The following EPHA2 variants were observed in gnomAD, a reference collection of about 807,000 sequenced individuals.
EPHA2 encodes the protein ephrin type-A receptor 2.
EPHA2 carries 54 observed loss-of-function variants against 104.9 expected under a neutral mutation model. That is an observed-to-expected ratio of 0.51 (90% CI 0.41 to 0.65). The LOEUF is 0.65. EPHA2 is among the 30% of genes least tolerant of loss of function. The probability of loss-of-function intolerance (pLI) is 0.00; values close to 1 mark genes in which losing one functional copy is unlikely to be tolerated. For missense variants in EPHA2, 1,117 were observed against 1,369.5 expected (o/e 0.82, Z 2.91); for synonymous variants, 560 against 559.1 (o/e 1.00, Z -0.02).
chr1:16,136,332 A>ATAG (rs2024683410), intron 5 of EPHA2, among the ~76,000 whole-genome samples: 3 of 148,496 alleles, frequency 2.0e-5, no homozygotes, highest in Admixed American at 1.3e-4. Flanking sequence ...AATAATAATA[A>ATAG]TAAAAGGCCA....
At chr1:16,149,307 T>A (rs1295503865) in intron 2 of EPHA2, among the ~76,000 whole-genome samples, 1 of 152,224 alleles carries the variant, frequency 6.6e-6, no homozygotes. Context: ...CGGGACTCCA[T>A]GTGACCTCAG....
In EPHA2 at chr1:16,148,241, G is replaced by A. The variant is rs774285601; in HGVS notation, c.823+137C>T. On this transcript the variant is annotated intron_variant, in intron 3 of 16. Coordinates refer to ENST00000358432, the MANE Select transcript of EPHA2 (RefSeq NM_004431.5). This position sits in a 1 kb window ranked among gnomAD's most constrained non-coding sequence, Gnocchi z 4.9. ...AATAAGGAAACTGATGTCTGGGAAG[G>A]ATCTATAATTTCCACTAACAGAACT... is the stretch of plus-strand genomic sequence containing the variant. The A allele has an allele frequency of 2.0e-5, 22 of 1,093,602 alleles. No homozygotes were observed. The highest frequency in any genetic ancestry group is 1.8e-4 in the South Asian group (14 of 77,278). The allele number at this position is 1,093,602 out of a possible 1,614,324, so 67.7% of individuals were successfully genotyped here.
In EPHA2 at chr1:16,125,986, CG is replaced by C. The variant is rs1278070506; in HGVS notation, c.2826-667del. 6.6e-6 allele frequency among the ~76,000 whole-genome samples: 1 copy of C among 152,174 alleles called. No individual in the cohort carries two copies. The highest frequency in any genetic ancestry group is 2.4e-5 in the African/African-American group (1 of 41,426). The stretch of plus-strand genomic sequence containing the variant: ...TGCGAGTCTTCATGGGTGAGGCTTG[CG>C]GGTCACCAGATCCAGTGACTAGGAA... On this transcript the variant is annotated intron_variant, in intron 16 of 16. Coordinates refer to ENST00000358432, the MANE Select transcript of EPHA2 (RefSeq NM_004431.5). The surrounding 1 kb of genome is among the most constrained non-coding windows in gnomAD (Gnocchi z 4.9).
rs1374517774 is a variant in EPHA2, at chr1:16,131,488, G to A, written c.2475+233C>T. On this transcript the variant is annotated intron_variant, in intron 14 of 16. Coordinates refer to ENST00000358432, the MANE Select transcript of EPHA2 (RefSeq NM_004431.5). The surrounding 1 kb of genome is among the most constrained non-coding windows in gnomAD (Gnocchi z 5.2). ...CCAGCTACTCGGGAGGCTGAGGCAG[G>A]AGAATTGCTTGAACCTGGGAGGTGG... 6.6e-6 allele frequency among the ~76,000 whole-genome samples: 1 copy of A among 152,200 alleles called. No homozygotes were observed. The highest frequency in any genetic ancestry group is 6.5e-5 in the Admixed American group (1 of 15,294).
At chr1:16,132,349 T>C (rs377555887) in intron 12 of EPHA2, 29 bp downstream of exon 12, 2 of 1,614,050 alleles carry the variant, frequency 1.2e-6, no homozygotes, top group Non-Finnish European at 1.7e-6. Context: ...TGGCCAGGCA[T>C]CCCCGCCCCC....
rs139909813 is a variant in EPHA2, at chr1:16,137,983, G to A, written c.1182C>T (p.Arg394=). 3.1e-6 allele frequency: 5 copies of A among 1,614,150 alleles called. No individual in the cohort carries two copies. Among genetic ancestry groups the A allele is most frequent in the Middle Eastern group, 1.7e-4 (1 of 6,060 alleles). The change falls in exon 5 of 17, where the codon CGC becomes CGT. Residue 394 remains arginine, a synonymous_variant. Coordinates refer to ENST00000358432, the MANE Select transcript of EPHA2 (RefSeq NM_004431.5). The stretch of plus-strand genomic sequence containing the variant: ...CCAGGTCGCTCACTGTCACACTGGT[G>A]CGGGTCAGTCCGTGAGGAGGCTCCG... ...RYSEPPHGLT[R]TSVTVSDLEP...
intron 3 of EPHA2, among the ~76,000 whole-genome samples, chr1:16,140,484 C>T (rs1281765123): frequency 6.6e-6 from 1 of 152,186 alleles, no homozygotes; most frequent in African/African-American, 2.4e-5. Context: ...GCACTATTAG[C>T]GCTGGTTCCA....
intron 5 of EPHA2, among the ~76,000 whole-genome samples, chr1:16,137,409 C>T (rs1262580537): frequency 6.6e-6 from 1 of 151,804 alleles, no homozygotes; most frequent in Middle Eastern, 3.2e-3. Context: ...CCAGCCTGGC[C>T]GACATAGTGA....
Position 16,138,102 on chromosome 1 carries a change from C to T in EPHA2, c.1063G>A (p.Gly355Arg), listed in dbSNP as rs370923409. 97 of 1,610,120 alleles carry T rather than the reference C, an allele frequency of 6.0e-5. No individual in the cohort carries two copies. The East Asian group carries it at 1.5e-3, about 25-fold the overall frequency. Reference protein sequence around the residue: ...ELRWTPPQDSGGREDIVYSVT... With the variant: ...ELRWTPPQDSRGREDIVYSVT... ...CTGTAGACAATGTCCTCGCGGCCCC[C>T]GCTGTCCTGAGGGGGCGTCCAGCGC... The change falls in exon 5 of 17, where the codon GGG becomes AGG. Residue 355 changes from glycine (G) to arginine (R), a missense_variant. Around this residue, in one of 3 missense-constraint regions of EPHA2, gnomAD observed 664 missense variants for 784.8 expected, o/e 0.85. Transcript: ENST00000358432.
chr1:16,154,922 A>T (rs2025122726), intron 1 of EPHA2, among the ~76,000 whole-genome samples: 1 of 152,106 alleles, frequency 6.6e-6, no homozygotes, highest in East Asian at 1.9e-4. Context: ...GTGGACAGGA[A>T]GGTCTTCGGC....
chr1:16,153,053 C>T (rs534082642), intron 1 of EPHA2: 32 of 919,708 alleles, frequency 3.5e-5, no homozygotes, highest in East Asian at 1.2e-4. Context: ...CTGACCCAGA[C>T]GGCTTCCTGG....
chr1:16,138,575 T>C (rs1161606518), intron 3 of EPHA2, 145 bp from the exon 4 acceptor site: 2 of 1,237,258 alleles, frequency 1.6e-6, no homozygotes, highest in East Asian at 4.9e-5. Flanking sequence ...ATCGGCAAAA[T>C]GTCTTGTGAT....
rs1225492774 is a variant in EPHA2, at chr1:16,135,124, G to A, written c.1494C>T (p.Ala498=). 1.9e-6 allele frequency: 3 copies of A among 1,614,010 alleles called. No individual in the cohort carries two copies. Among genetic ancestry groups the A allele is most frequent in the Non-Finnish European group, 1.7e-6 (2 of 1,180,018 alleles). ...CCTGGACCAGGTAGGTGGTGTCTGG[G>A]GCCAGGTCGTCCAGGGTCACGGAGA... ...EGFSVTLDDL[A]PDTTYLVQVQ... The change falls in exon 7 of 17, where the codon GCC becomes GCT. Residue 498 remains alanine, a synonymous_variant. Coordinates refer to ENST00000358432, the MANE Select transcript of EPHA2 (RefSeq NM_004431.5). The surrounding 1 kb of genome is among the most constrained non-coding windows in gnomAD (Gnocchi z 4.3).
At position 16,148,923 on chromosome 1, in the gene EPHA2, C is replaced by G. The variant is rs773163502; in HGVS notation, c.278G>C (p.Arg93Pro). ...TNWVYRGEAE[R>P]IFIELKFTVR... is the part of the protein sequence containing the mutation. ...AGTAAACTTGAGCTCAATGAAGATA[C>G]GCTCAGCCTCTCCTCGGTACACCCA... The change falls in exon 3 of 17, where the codon CGT (arginine) becomes CCT (proline). Residue 93 changes from arginine to proline, a missense_variant. By Grantham distance (103) the Arg-to-Pro change is moderately radical. Transcript: ENST00000358432. The surrounding 1 kb of genome is among the most constrained non-coding windows in gnomAD (Gnocchi z 4.9). The G allele has an allele frequency of 6.2e-7, 1 of 1,614,004 alleles. No individual in the cohort carries two copies. The highest frequency in any genetic ancestry group is 1.3e-5 in the African/African-American group (1 of 74,928).
In EPHA2 at chr1:16,135,145, G is replaced by A. The variant is rs769974237; in HGVS notation, c.1473C>T (p.Ser491=). The change falls in exon 7 of 17, where the codon TCC becomes TCT. Residue 491 remains serine (S), a synonymous_variant. Transcript: ENST00000358432. This position sits in a 1 kb window ranked among gnomAD's most constrained non-coding sequence, Gnocchi z 4.3. ...SYNVRRTEGF[S]VTLDDLAPDT... The stretch of plus-strand genomic sequence containing the variant: ...CTGGGGCCAGGTCGTCCAGGGTCAC[G>A]GAGAAACCCTCGGTGCGGCGCACAT... The A allele has an allele frequency of 2.5e-5, 40 of 1,613,916 alleles. No homozygotes were observed. Among genetic ancestry groups the A allele is most frequent in the East Asian group, 1.3e-4 (6 of 44,902 alleles).
Position 16,130,614 on chromosome 1 carries a change from G to C in EPHA2, c.2476-195C>G, listed in dbSNP as rs548230245. Among the ~76,000 whole-genome samples, 43 of 152,006 alleles carry C rather than the reference G, an allele frequency of 2.8e-4. No homozygotes were observed. Among genetic ancestry groups the C allele is most frequent in the African/African-American group, 9.4e-4 (39 of 41,414 alleles). On this transcript the variant is annotated intron_variant, in intron 14 of 16. Transcript: ENST00000358432. This position sits in a 1 kb window ranked among gnomAD's most constrained non-coding sequence, Gnocchi z 4.5. ...GCAAATGCCTAAGGGTCTGTGTCCA[G>C]AGTTCACTGGAAGGGACTTTTTTTT...
At position 16,129,535 on chromosome 1, in the gene EPHA2, C is replaced by T. The variant is rs767157667; in HGVS notation, c.2724G>A (p.Thr908=). The T allele has an allele frequency of 8.1e-6, 13 of 1,613,430 alleles. No individual in the cohort carries two copies. Among genetic ancestry groups the T allele is most frequent in the African/African-American group, 4.0e-5 (3 of 75,008 alleles). Residue 908 remains threonine (T), a synonymous_variant, in exon 16 of 17, where the codon ACG becomes ACA. Transcript: ENST00000358432. ...TGATGGACTCCAGCCACTCGGACAC[C>T]GTGCGGAAGGGCACCCCCTCCGAGC... is the stretch of plus-strand genomic sequence containing the variant. The part of the protein sequence containing the change: ...TSGSEGVPFR[T]VSEWLESIKM...
intron 3 of EPHA2, among the ~76,000 whole-genome samples, chr1:16,141,877 G>A (rs1016013207): frequency 5.3e-5 from 8 of 152,340 alleles, no homozygotes; most frequent in Admixed American, 2.0e-4. Flanking sequence ...CCTGCCTGAC[G>A]AGATGTGCTT....
Position 16,148,665 on chromosome 1 carries a change from T to TAG in EPHA2, c.534_535dup (p.Tyr179SerfsTer215). 6.2e-7 allele frequency: 1 copy of TAG among 1,610,220 alleles called. No individual in the cohort carries two copies. Among genetic ancestry groups the TAG allele is most frequent in the East Asian group, 2.2e-5 (1 of 44,892 alleles). On this transcript the variant is annotated frameshift_variant, in exon 3 of 17. Coordinates refer to ENST00000358432, the MANE Select transcript of EPHA2 (RefSeq NM_004431.5). LOFTEE classifies it high-confidence loss of function. This position sits in a 1 kb window ranked among gnomAD's most constrained non-coding sequence, Gnocchi z 4.9. ...GGCACCGATATCCTGGAAGGCCAGG[T>TAG]AGAAGCCTTTGCGGGTGAGCGGCCC...
Sources: gnomAD v4.1 joint callset for allele counts (sites outside exome capture counted in the v4.1 genomes callset) on GRCh38, gnomAD v4.1.1 for gene constraint, gnomAD v4.1.1 regional missense constraint, Gnocchi (gnomAD v3.1) non-coding constraint, MANE v1.5 for transcripts, NCBI Gene and HGNC (gene_info 2026-07-23, HGNC 2026-07-21) for gene names.